The following CAMK2B variants were observed in gnomAD, a reference collection of about 807,000 sequenced individuals.
CAMK2B encodes calcium/calmodulin-dependent protein kinase type II subunit beta.
In CAMK2B, 27 loss-of-function variants were observed where a neutral mutation model predicts 93.7. That is an observed-to-expected ratio of 0.29 (90% CI 0.21 to 0.40). The LOEUF (loss-of-function observed/expected upper bound fraction) is 0.40. Among genes scored for constraint, CAMK2B ranks in the 10% least tolerant of loss-of-function variants. The pLI, the probability that CAMK2B is intolerant of heterozygous loss-of-function variation, is 1.00. For synonymous variants in CAMK2B, 374 were observed against 358.8 expected (o/e 1.04, Z -0.48); for missense variants, 568 against 895.8 (o/e 0.63, Z 4.67).
At position 44,311,646 on chromosome 7, in the gene CAMK2B, T is replaced by A. The variant is rs980450508; in HGVS notation, c.65+13711A>T. Among the ~76,000 whole-genome samples the A allele has an allele frequency of 5.9e-5, 9 of 152,110 alleles. No homozygotes were observed. The highest frequency in any genetic ancestry group is 1.3e-4 in the Non-Finnish European group (9 of 68,000). On this transcript the variant is annotated intron_variant, in intron 1 of 23. Transcript: ENST00000395749. This position sits in a 1 kb window ranked among gnomAD's most constrained non-coding sequence, Gnocchi z 4.2. ...GTACCCAGAGGGGCTGTCCTGCCCCTGCGAGCACCACAGCCTGGCTCTGCG... is the reference window on the plus strand; with the variant it reads ...GTACCCAGAGGGGCTGTCCTGCCCCAGCGAGCACCACAGCCTGGCTCTGCG...
Position 44,217,788 on chromosome 7 carries a change from G to A in CAMK2B, c.*1737C>T, listed in dbSNP as rs544780183. 7 of 152,322 alleles carry A rather than the reference G, an allele frequency of 4.6e-5. No individual in the cohort carries two copies. Among genetic ancestry groups the A allele is most frequent in the Admixed American group, 1.3e-4 (2 of 15,302 alleles). 9.4% of individuals were successfully genotyped at this position (152,322 alleles called of 1,614,324 possible). On this transcript the variant is annotated 3_prime_UTR_variant, in exon 24 of 24. Transcript: ENST00000395749. Reference sequence around the variant, plus strand: ...ATCCTTGTTGAAAACAATGTGAATTGAAAGTGGGCAGGCACTGGGGCAGGA... The same window carrying A: ...ATCCTTGTTGAAAACAATGTGAATTAAAAGTGGGCAGGCACTGGGGCAGGA...
intron 20 of CAMK2B, among the ~76,000 whole-genome samples, chr7:44,222,497 A>G (rs1347834190): frequency 6.6e-6 from 1 of 151,660 alleles, no homozygotes; most frequent in African/African-American, 2.4e-5. Flanking sequence ...GTGCAGTGAC[A>G]TGATCTCGGC....
At chr7:44,239,440 T>C (rs1202380943) in intron 13 of CAMK2B, 149 bp downstream of exon 13, 1 of 663,900 alleles carries the variant, frequency 1.5e-6, no homozygotes, top group African/African-American at 1.8e-5. Context: ...TCTGCTGGGA[T>C]GTGACCACAC....
intron 1 of CAMK2B, among the ~76,000 whole-genome samples, chr7:44,319,614 C>A (rs947783110): frequency 6.6e-6 from 1 of 152,166 alleles, no homozygotes; most frequent in African/African-American, 2.4e-5. Flanking sequence ...ACAGGCCCAG[C>A]CCCTGCAGCT....
chr7:44,313,412 C>T (rs528360531), intron 1 of CAMK2B, among the ~76,000 whole-genome samples: 2 of 151,470 alleles, frequency 1.3e-5, no homozygotes, highest in Admixed American at 6.6e-5. Flanking sequence ...TGGGAAGCTA[C>T]AGCCCCAGCC....
intron 16 of CAMK2B, among the ~76,000 whole-genome samples, chr7:44,232,513 T>G (rs1388730001): frequency 2.0e-5 from 3 of 152,170 alleles, no homozygotes; most frequent in South Asian, 4.1e-4. Flanking sequence ...ATGCAGGCCC[T>G]GCTCCAGACC....
At chr7:44,246,168 C>G (rs113227097) in intron 6 of CAMK2B, among the ~76,000 whole-genome samples, 5 of 152,160 alleles carry the variant, frequency 3.3e-5, no homozygotes, top group Admixed American at 6.5e-5. Flanking sequence ...GAGTCCTGCT[C>G]TCACCACTCT....
At chr7:44,256,804 G>A (rs1044161966) in intron 4 of CAMK2B, among the ~76,000 whole-genome samples, 107 of 152,340 alleles carry the variant, frequency 7.0e-4, no homozygotes, top group African/African-American at 2.4e-3. Flanking sequence ...TCAGGAAGCT[G>A]TAGTTTGGGC....
chr7:44,273,242 C>G (rs369515352), intron 2 of CAMK2B, among the ~76,000 whole-genome samples: 13 of 152,324 alleles, frequency 8.5e-5, no homozygotes, highest in African/African-American at 2.6e-4. Flanking sequence ...ACTCCAAAGC[C>G]TGCCTCCCCA....
intron 2 of CAMK2B, among the ~76,000 whole-genome samples, chr7:44,277,680 C>A (rs1221719558): frequency 6.6e-6 from 1 of 152,202 alleles, no homozygotes; most frequent in East Asian, 1.9e-4. Context: ...GCCTCCCCCA[C>A]AAGGCCCAAG....
intron 5 of CAMK2B, among the ~76,000 whole-genome samples, chr7:44,252,962 C>T (rs956724984): frequency 1.3e-5 from 2 of 152,160 alleles, no homozygotes; most frequent in African/African-American, 4.8e-5. Flanking sequence ...GCCAGTGTCC[C>T]GAACCCCACA....
intron 2 of CAMK2B, 62 bp from the exon 3 acceptor site, chr7:44,263,126 T>C (rs529349306): frequency 3.9e-6 from 6 of 1,534,324 alleles, no homozygotes; most frequent in South Asian, 2.3e-5. Flanking sequence ...CCAGGGATCG[T>C]CCATGTCAGG....
At chr7:44,229,008 T>G (rs1583874149) in intron 18 of CAMK2B, 84 bp from the exon 19 acceptor site, 38 of 1,306,462 alleles carry the variant, frequency 2.9e-5, no homozygotes, top group Non-Finnish European at 4.0e-5. Flanking sequence ...GTGGGAGGGG[T>G]CCCGTGTTCT....
At chr7:44,266,614 A>C (rs1190331593) in intron 2 of CAMK2B, among the ~76,000 whole-genome samples, 4 of 152,224 alleles carry the variant, frequency 2.6e-5, no homozygotes, top group African/African-American at 9.6e-5. Context: ...AGACCAGAGC[A>C]GTGGCCACTG....
At position 44,286,274 on chromosome 7, in the gene CAMK2B, C is replaced by T. The variant is rs1785066340; in HGVS notation, c.66-2049G>A. Among the ~76,000 whole-genome samples, 1 of 152,156 alleles carries T rather than the reference C, an allele frequency of 6.6e-6. No homozygotes were observed. Among genetic ancestry groups the T allele is most frequent in the African/African-American group, 2.4e-5 (1 of 41,438 alleles). On this transcript the variant is annotated intron_variant, in intron 1 of 23. Coordinates refer to ENST00000395749, the MANE Select transcript of CAMK2B (RefSeq NM_001220.5). The surrounding 1 kb of genome is among the most constrained non-coding windows in gnomAD (Gnocchi z 4.0). ...CTCTGACCCCTAGAGGGCTCAGCGG[C>T]CACAGGGCTGACGTGGCAGGCCTCC...
Position 44,220,767 on chromosome 7 carries a change from C to T in CAMK2B, c.1674-57G>A, listed in dbSNP as rs1434198673. The T allele has an allele frequency of 4.5e-6, 7 of 1,565,296 alleles. No individual in the cohort carries two copies. The Admixed American group carries it at 1.1e-4, about 25-fold the overall frequency. On this transcript the variant is annotated intron_variant, in intron 21 of 23. Coordinates refer to ENST00000395749, the MANE Select transcript of CAMK2B (RefSeq NM_001220.5). ...CGTGGACCCCTGACTCTGAGCAGGC[C>T]CCCCCAAGGGTCCCACATCCTTGTC...
intron 1 of CAMK2B, among the ~76,000 whole-genome samples, chr7:44,320,834 G>A (rs966883716): frequency 3.9e-5 from 6 of 152,176 alleles, no homozygotes; most frequent in South Asian, 4.1e-4. Flanking sequence ...TCCCCACCTC[G>A]GGCCAGGCAC....
chr7:44,291,341 A>G (rs1201170126), intron 1 of CAMK2B, among the ~76,000 whole-genome samples: 1 of 152,172 alleles, frequency 6.6e-6, no homozygotes, highest in African/African-American at 2.4e-5. Context: ...TCCCACAGGG[A>G]GGCGGGTGGC....
intron 5 of CAMK2B, among the ~76,000 whole-genome samples, chr7:44,251,326 T>C (rs1046079490): frequency 2.6e-5 from 4 of 152,124 alleles, no homozygotes; most frequent in African/African-American, 7.2e-5. Flanking sequence ...GCTTGTTGGG[T>C]AGGGGCCCAC....
Sources: allele counts gnomAD v4.1 joint callset (sites outside exome capture counted in the v4.1 genomes callset), GRCh38; gene constraint gnomAD v4.1.1; non-coding constraint Gnocchi (gnomAD v3.1); transcripts MANE v1.5; gene names NCBI Gene and HGNC (gene_info 2026-07-23, HGNC 2026-07-21).